The following CNTN6 variants were observed in gnomAD, a reference collection of about 807,000 sequenced individuals.
CNTN6 encodes the protein contactin 6.
A neutral mutation model predicts 122.8 loss-of-function variants in CNTN6; 137 were observed. The ratio of observed to expected loss-of-function variants is 1.12; its 90% CI spans 0.97 to 1.29. CNTN6 has a LOEUF of 1.29. Ranked by LOEUF, CNTN6 falls within the 50% of genes most tolerant of loss-of-function variation. The pLI is 0.00. For missense variants in CNTN6, 1,634 were observed against 1,223.4 expected (o/e 1.34, Z -5.01); for synonymous variants, 570 against 426.0 (o/e 1.34, Z -4.16).
chr3:1,258,399 G>C (rs923863281), intron 4 of CNTN6, among the ~76,000 whole-genome samples: 4 of 152,030 alleles, frequency 2.6e-5, no homozygotes, highest in Non-Finnish European at 5.9e-5. Flanking sequence ...TCAAAGCTTA[G>C]CAATAAAATA....
intron 19 of CNTN6, among the ~76,000 whole-genome samples, chr3:1,384,786 T>G (rs1370808837): frequency 0.03 from 4,208 of 141,292 alleles, 105 homozygotes; most frequent in South Asian, 0.047. Context: ...TATATATATA[T>G]ATATATATAT....
At chr3:1,197,321 C>T (rs1352480302) in intron 2 of CNTN6, among the ~76,000 whole-genome samples, 3 of 152,178 alleles carry the variant, frequency 2.0e-5, no homozygotes, top group Admixed American at 2.0e-4. Context: ...TGTCTCTAAC[C>T]TCATCCATTC....
chr3:1,249,472 C>G (rs2094628953), intron 4 of CNTN6, among the ~76,000 whole-genome samples: 2 of 152,132 alleles, frequency 1.3e-5, no homozygotes, highest in Admixed American at 1.3e-4. Context: ...TGTGCTTGAG[C>G]ATTAACCAAA....
At chr3:1,117,603 T>G (rs1308136562) in intron 1 of CNTN6, among the ~76,000 whole-genome samples, 2 of 152,192 alleles carry the variant, frequency 1.3e-5, no homozygotes, top group African/African-American at 4.8e-5. Context: ...CCTGTTAGTA[T>G]GCATTTAAGT....
intron 7 of CNTN6, among the ~76,000 whole-genome samples, chr3:1,321,339 T>G (rs1004168650): frequency 7.2e-5 from 11 of 151,766 alleles, no homozygotes; most frequent in African/African-American, 2.2e-4. Context: ...GTACTTGTTT[T>G]TATTATTTGT....
At chr3:1,393,943 C>T (rs1694631270) in intron 20 of CNTN6, among the ~76,000 whole-genome samples, 1 of 151,966 alleles carries the variant, frequency 6.6e-6, no homozygotes. Context: ...GTGAGTAGCC[C>T]CACACTCCCT....
intron 11 of CNTN6, among the ~76,000 whole-genome samples, chr3:1,340,235 A>C (rs1299245346): frequency 6.6e-6 from 1 of 152,162 alleles, no homozygotes; most frequent in Non-Finnish European, 1.5e-5. Context: ...CTATATGTGG[A>C]ATTCAAGGCA....
At chr3:1,197,714 G>A (rs1017706117) in intron 2 of CNTN6, among the ~76,000 whole-genome samples, 1 of 152,048 alleles carries the variant, frequency 6.6e-6, no homozygotes, top group African/African-American at 2.4e-5. Context: ...GCAAGTAACC[G>A]CTCTCTGAAC....
At position 1,399,782 on chromosome 3, in the gene CNTN6, T is replaced by G. The variant is rs1260777978; in HGVS notation, c.2705-1651T>G. Among the ~76,000 whole-genome samples, 6 of 152,258 alleles carry G rather than the reference T, an allele frequency of 3.9e-5. No individual in the cohort carries two copies. The East Asian group carries it at 1.2e-3, about 29-fold the overall frequency. On this transcript the variant is annotated intron_variant, in intron 20 of 22. Transcript: ENST00000446702. ...GTCTCCTATGTGCCAGGCACTGTGC[T>G]AGGGGTTAGTAATACAGAGTTGAGT... is the stretch of plus-strand genomic sequence containing the variant.
chr3:1,297,982 C>T lies in CNTN6; in HGVS notation c.752C>T (p.Ala251Val). 2 of 1,592,432 alleles carry T rather than the reference C, an allele frequency of 1.3e-6. No homozygotes were observed. The highest frequency in any genetic ancestry group is 1.7e-6 in the Non-Finnish European group (2 of 1,174,506). ...KDSSVKLECF[A>V]LGNPVPDISW... ...TCATCTGTAAAACTGGAATGTTTTG[C>T]CCTTGGAAAGTAAGGTTTTTGTTTT... is the stretch of plus-strand genomic sequence containing the variant. Residue 251 changes from alanine (A) to valine (V), a missense_variant, in exon 7 of 23, where the codon GCC becomes GTC. Ala to Val is a moderately conservative substitution (Grantham distance 64, BLOSUM62 0). Transcript: ENST00000446702.
chr3:1,385,494 TCTATA>T, intron 19 of CNTN6, 112 bp from the exon 20 acceptor site: 1 of 686,328 alleles, frequency 1.5e-6, no homozygotes, highest in Non-Finnish European at 2.3e-6. Context: ...GTTTTTGTCA[TCTATA>T]CTTCTGTCTT....
chr3:1,261,074 C>T (rs1055159580), intron 4 of CNTN6, among the ~76,000 whole-genome samples: 3 of 152,082 alleles, frequency 2.0e-5, no homozygotes, highest in South Asian at 2.1e-4. Flanking sequence ...CATTGGTTTG[C>T]CACCAGTGGA....
intron 2 of CNTN6, among the ~76,000 whole-genome samples, chr3:1,154,643 A>G (rs1000901115): frequency 3.9e-5 from 6 of 151,924 alleles, no homozygotes; most frequent in Non-Finnish European, 8.8e-5. Flanking sequence ...GGGTTTCTCC[A>G]TGTTGGTCAG....
chr3:1,265,717 C>T (rs1406587144), intron 4 of CNTN6, among the ~76,000 whole-genome samples: 5 of 152,152 alleles, frequency 3.3e-5, no homozygotes, highest in Non-Finnish European at 7.4e-5. Context: ...AGTCAGACCA[C>T]TTTGGTTGTC....
At chr3:1,321,999 A>G (rs912627271) in intron 8 of CNTN6, among the ~76,000 whole-genome samples, 165 bp downstream of exon 8, 1 of 150,920 alleles carries the variant, frequency 6.6e-6, no homozygotes, top group African/African-American at 2.4e-5. Context: ...GGGAATGACC[A>G]CCTTTAAAAT....
intron 9 of CNTN6, among the ~76,000 whole-genome samples, chr3:1,326,980 T>C (rs1701630525): frequency 6.6e-6 from 1 of 152,034 alleles, no homozygotes; most frequent in African/African-American, 2.4e-5. Context: ...TTTATAGTAG[T>C]TTGTAGAAAG....
intron 7 of CNTN6, among the ~76,000 whole-genome samples, chr3:1,318,264 A>C (rs9853109): frequency 3.3e-5 from 5 of 151,418 alleles, no homozygotes; most frequent in Non-Finnish European, 7.4e-5. Context: ...CAGAGCAATA[A>C]GTTCTCAACA....
chr3:1,278,084 T>C (rs966809095), intron 4 of CNTN6, among the ~76,000 whole-genome samples: 1 of 152,206 alleles, frequency 6.6e-6, no homozygotes, highest in African/African-American at 2.4e-5. Flanking sequence ...CATACCTTTC[T>C]AAAATCACAC....
chr3:1,382,167 A>G (rs1691995481), intron 17 of CNTN6, among the ~76,000 whole-genome samples: 1 of 152,086 alleles, frequency 6.6e-6, no homozygotes, highest in South Asian at 2.1e-4. Flanking sequence ...TGATTTTTCA[A>G]TACAAGTTTC....
Sources: allele counts gnomAD v4.1 joint callset (sites outside exome capture counted in the v4.1 genomes callset), GRCh38; gene constraint gnomAD v4.1.1; transcripts MANE v1.5; gene names NCBI Gene and HGNC (gene_info 2026-07-23, HGNC 2026-07-21).